Variants in LRRTM4 observed in about 807,000 individuals in gnomAD.
The protein encoded by LRRTM4 is leucine-rich repeat transmembrane neuronal protein 4.
Under a neutral mutation model 47.6 loss-of-function variants are expected in LRRTM4, and 25 were observed. The observed-to-expected ratio is 0.53, with a 90% CI of 0.38 to 0.73. The LOEUF (loss-of-function observed/expected upper bound fraction) is 0.73, where lower values mean the gene tolerates loss of function less well. Among genes scored for constraint, LRRTM4 ranks in the 30% least tolerant of loss-of-function variants. The pLI, the probability that LRRTM4 is intolerant of heterozygous loss-of-function variation, is 0.00. For synonymous variants in LRRTM4, 311 were observed against 269.5 expected (o/e 1.15, Z -1.51); for missense variants, 638 against 713.4 (o/e 0.89, Z 1.20).
chr2:77,251,137 G>A (rs1558653715), intron 3 of LRRTM4, among the ~76,000 whole-genome samples: 2 of 141,582 alleles, frequency 1.4e-5, no homozygotes, highest in East Asian at 4.1e-4. Flanking sequence ...ACATATATAT[G>A]TATATATATG....
chr2:77,476,327 C>T (rs1051171084), intron 3 of LRRTM4, among the ~76,000 whole-genome samples: 1 of 152,064 alleles, frequency 6.6e-6, no homozygotes, highest in Non-Finnish European at 1.5e-5. Flanking sequence ...TTTATTTTCA[C>T]ATGCTCATTT....
chr2:77,035,181 T>C (rs1405586023), intron 3 of LRRTM4, among the ~76,000 whole-genome samples: 1 of 151,828 alleles, frequency 6.6e-6, no homozygotes, highest in Non-Finnish European at 1.5e-5. Flanking sequence ...TCATTTACAT[T>C]AGATATATCT....
At chr2:77,424,370 C>G (rs142317948) in intron 3 of LRRTM4, among the ~76,000 whole-genome samples, 180 of 152,254 alleles carry the variant, frequency 1.2e-3, no homozygotes, top group African/African-American at 4.1e-3. Flanking sequence ...AGCTTTAGCT[C>G]TGGATATATT....
chr2:77,455,216 G>C (rs1174874121), intron 3 of LRRTM4, among the ~76,000 whole-genome samples: 1 of 152,130 alleles, frequency 6.6e-6, no homozygotes, highest in Non-Finnish European at 1.5e-5. Context: ...ATTTTTAAAT[G>C]AAAGTGTTTA....
At chr2:77,068,323 A>G (rs927284679) in intron 3 of LRRTM4, among the ~76,000 whole-genome samples, 6 of 152,160 alleles carry the variant, frequency 3.9e-5, no homozygotes, top group African/African-American at 1.2e-4. Flanking sequence ...ATCACATACC[A>G]TAAAAGTCAC....
At chr2:76,956,742 C>A (rs1675687502) in intron 3 of LRRTM4, among the ~76,000 whole-genome samples, 1 of 149,650 alleles carries the variant, frequency 6.7e-6, no homozygotes, top group Non-Finnish European at 1.5e-5. Context: ...TAAATAAATT[C>A]AGAAAGAAAA....
At chr2:77,344,066 T>G (rs1241479461) in intron 3 of LRRTM4, among the ~76,000 whole-genome samples, 1 of 151,878 alleles carries the variant, frequency 6.6e-6, no homozygotes, top group Non-Finnish European at 1.5e-5. Context: ...TTCTGGCCTC[T>G]GATTTGTGCT....
At chr2:76,948,407 G>A (rs1216677412) in intron 3 of LRRTM4, among the ~76,000 whole-genome samples, 1 of 151,820 alleles carries the variant, frequency 6.6e-6, no homozygotes, top group Non-Finnish European at 1.5e-5. Flanking sequence ...ATTGAAATGT[G>A]TTGGGCCTAT....
intron 3 of LRRTM4, among the ~76,000 whole-genome samples, chr2:76,792,112 A>T (rs1176451338): frequency 6.6e-6 from 1 of 150,672 alleles, no homozygotes; most frequent in Admixed American, 6.6e-5. Flanking sequence ...TAGTTAGAGA[A>T]ATAGAGTTTT....
intron 3 of LRRTM4, among the ~76,000 whole-genome samples, chr2:77,005,276 C>T (rs1311974752): frequency 2.6e-5 from 4 of 152,132 alleles, no homozygotes; most frequent in Admixed American, 1.3e-4. Flanking sequence ...TCCTGAGTAG[C>T]TGGGATTATA....
intron 3 of LRRTM4, among the ~76,000 whole-genome samples, chr2:76,822,870 G>T (rs1350017004): frequency 2.0e-5 from 3 of 151,322 alleles, no homozygotes; most frequent in African/African-American, 7.3e-5. Flanking sequence ...GGTCAGTATT[G>T]TTGAACTCTT....
At chr2:77,187,740 GA>G (rs1308811307) in intron 3 of LRRTM4, among the ~76,000 whole-genome samples, 3 of 151,850 alleles carry the variant, frequency 2.0e-5, no homozygotes, top group Non-Finnish European at 2.9e-5. Context: ...AAGCAGTGGT[GA>G]TTTTAGCCTA....
chr2:76,879,294 G>A (rs1407675943), intron 3 of LRRTM4, among the ~76,000 whole-genome samples: 4 of 152,174 alleles, frequency 2.6e-5, no homozygotes, highest in African/African-American at 9.7e-5. Context: ...TCGCCGGAAA[G>A]GGTGACTCTC....
intron 3 of LRRTM4, among the ~76,000 whole-genome samples, chr2:76,970,344 T>C (rs1676174862): frequency 6.6e-6 from 1 of 151,996 alleles, no homozygotes; most frequent in Non-Finnish European, 1.5e-5. Flanking sequence ...CAGTCTTTTC[T>C]TCCCCTGGCA....
At chr2:77,435,493 A>G (rs550454532) in intron 3 of LRRTM4, among the ~76,000 whole-genome samples, 8 of 152,344 alleles carry the variant, frequency 5.3e-5, no homozygotes, top group African/African-American at 1.7e-4. Context: ...TTCAATATCC[A>G]ATTTATATAA....
At chr2:77,360,560 A>ACAATCATT (rs1672170437) in intron 3 of LRRTM4, among the ~76,000 whole-genome samples, 1 of 150,108 alleles carries the variant, frequency 6.7e-6, no homozygotes, top group Non-Finnish European at 1.5e-5. Flanking sequence ...ATACATACAT[A>ACAATCATT]CATACATACA....
At chr2:77,116,705 CTTACT>C (rs1302673961) in intron 3 of LRRTM4, among the ~76,000 whole-genome samples, 21 of 152,016 alleles carry the variant, frequency 1.4e-4, no homozygotes, top group Admixed American at 1.3e-3. Flanking sequence ...TGTAAGGACT[CTTACT>C]TTTATTTTTT....
intron 3 of LRRTM4, among the ~76,000 whole-genome samples, chr2:77,129,863 C>T (rs370111966): frequency 6.6e-6 from 1 of 152,128 alleles, no homozygotes; most frequent in Non-Finnish European, 1.5e-5. Context: ...GAGTATAGCA[C>T]ATAACTGTAA....
Position 77,049,122 on chromosome 2 carries a change from T to TATATATATATATACATATA in LRRTM4, c.1552-300207_1552-300206insTATATGTATATATATATAT, listed in dbSNP as rs34587249. Among the ~76,000 whole-genome samples the TATATATATATATACATATA allele has an allele frequency of 5.1e-4, 32 of 62,680 alleles. 3 individuals are homozygous for TATATATATATATACATATA. Among genetic ancestry groups the TATATATATATATACATATA allele is most frequent in the African/African-American group, 2.7e-3 (31 of 11,374 alleles). The allele number at this position is 62,680 out of a possible 152,430, so 41.1% of individuals were successfully genotyped here. The stretch of plus-strand genomic sequence containing the variant: ...TTTTGACTAAATAATATTTCATTTT[T>TATATATATATATACATATA]TATATATATATATATATATATATAT... On this transcript the variant is annotated intron_variant, in intron 3 of 3. Transcript: ENST00000409884.
Sources: allele counts gnomAD v4.1 joint callset (sites outside exome capture counted in the v4.1 genomes callset), GRCh38; gene constraint gnomAD v4.1.1; transcripts MANE v1.5; gene names NCBI Gene and HGNC (gene_info 2026-07-23, HGNC 2026-07-21).